The following GSDMC variants were observed in gnomAD, a reference collection of about 807,000 sequenced individuals.
The protein encoded by GSDMC is gasdermin C, also known as gasdermin-C.
GSDMC carries 59 observed loss-of-function variants against 58.0 expected under a neutral mutation model. The ratio of observed to expected loss-of-function variants is 1.02; its 90% CI spans 0.82 to 1.26. The LOEUF (loss-of-function observed/expected upper bound fraction) is 1.26, where lower values mean the gene tolerates loss of function less well. GSDMC is among the 50% of genes most tolerant of loss of function. The pLI is 0.00. For synonymous variants in GSDMC, 241 were observed against 220.2 expected, an observed-to-expected ratio of 1.09 and a Z score of -0.83; for missense variants, 659 against 598.5, an observed-to-expected ratio of 1.10 and a Z score of -1.06.
rs139824595 is a variant in GSDMC, at chr8:129,763,438, C to A, written c.571-707G>T. ...CATGCCTTCAGTGGACACTTTCATT[C>A]TGGAAACACATTCTTTGGGTCTCAG... On this transcript the variant is annotated intron_variant, in intron 4 of 13. Transcript: ENST00000276708. Among the ~76,000 whole-genome samples the A allele has an allele frequency of 3.6e-4, 55 of 152,338 alleles. No homozygotes were observed. The South Asian group carries it at 7.5e-3, about 21-fold the overall frequency.
At position 129,749,446 on chromosome 8, in the gene GSDMC, T is replaced by A. The variant is rs1167618375; in HGVS notation, c.1287+6A>T. ...CCTGAACTTCTGGCCCCTGGGAAGT[T>A]CTCACCAGCTCCTGTTGCTGAAGCA... On this transcript the variant is annotated splice_donor_region_variant and intron_variant, in intron 13 of 13. Coordinates refer to ENST00000276708, the MANE Select transcript of GSDMC (RefSeq NM_031415.3). 6.8e-6 allele frequency: 11 copies of A among 1,606,342 alleles called. No homozygotes were observed. The highest frequency in any genetic ancestry group is 7.7e-6 in the Non-Finnish European group (9 of 1,173,020).
chr8:129,723,525 A>G, the GSDMC span, among the ~76,000 whole-genome samples: 3 of 148,724 alleles, frequency 2.0e-5, no homozygotes, highest in East Asian at 6.0e-4. Flanking sequence ...CTCGGCCTCC[A>G]AAAGTGCTGG....
rs1468819804 is a variant in GSDMC, at chr8:129,786,473, G to T, written c.-467C>A. 1.3e-5 allele frequency: 2 copies of T among 152,184 alleles called. No homozygotes were observed. The highest frequency in any genetic ancestry group is 4.8e-5 in the African/African-American group (2 of 41,436). 9.4% of individuals were successfully genotyped at this position (152,184 alleles called of 1,614,324 possible). On this transcript the variant is annotated 5_prime_UTR_variant, in exon 1 of 14. The change creates a premature stop within an existing upstream ORF in the 5' untranslated region. Transcript: ENST00000276708. ...GTTCTCTTCTCACCAATGGGTCCCT[G>T]ACTCAATTTCCAATGCAGTATCCTG... is the stretch of plus-strand genomic sequence containing the variant.
downstream of GSDMC, among the ~76,000 whole-genome samples, chr8:129,744,052 C>G (rs1364162906): frequency 6.5e-5 from 5 of 76,724 alleles, no homozygotes; most frequent in Admixed American, 4.8e-4. Flanking sequence ...ATAATACTCC[C>G]TCTTTCCTAG....
chr8:129,707,032 C>G, the GSDMC span: 1 of 152,156 alleles, frequency 6.6e-6, no homozygotes, highest in Admixed American at 6.5e-5. Flanking sequence ...ATTCTGTGCT[C>G]CCCAGCCATC....
chr8:129,713,060 A>C, the GSDMC span, among the ~76,000 whole-genome samples: 1 of 152,214 alleles, frequency 6.6e-6, no homozygotes, highest in African/African-American at 2.4e-5. Flanking sequence ...AATCCCTCGA[A>C]TGCAACAGAC....
chr8:129,746,271 G>A (rs1035845536), downstream of GSDMC, among the ~76,000 whole-genome samples: 1 of 152,192 alleles, frequency 6.6e-6, no homozygotes, highest in Non-Finnish European at 1.5e-5. Flanking sequence ...AGAAATATGT[G>A]AAAAGAGAGA....
At chr8:129,739,866 T>G in the GSDMC span, among the ~76,000 whole-genome samples, 52 of 152,236 alleles carry the variant, frequency 3.4e-4, no homozygotes, top group Non-Finnish European at 6.5e-4. Flanking sequence ...TCCTTCAGGA[T>G]GCATTCCAGA....
At chr8:129,775,795 C>T (rs2034204700) in intron 3 of GSDMC, among the ~76,000 whole-genome samples, 1 of 152,252 alleles carries the variant, frequency 6.6e-6, no homozygotes, top group Middle Eastern at 3.4e-3. Context: ...CCCTGCCCAT[C>T]CCTTGTCTCC....
intron 3 of GSDMC, among the ~76,000 whole-genome samples, chr8:129,767,856 T>C (rs577980202): frequency 2.1e-4 from 32 of 152,204 alleles, no homozygotes; most frequent in African/African-American, 7.0e-4. Context: ...AGGGAAAATT[T>C]CAGAGCCCAG....
rs144730548 is a variant in GSDMC at position 129,772,554 on chromosome 8, A to C, written c.404+3548T>G. ...ATGGATAAATTCCCAGAAACATATG[A>C]TCTATTGAGATTGAGTCATGAAGAA... On this transcript the variant is annotated intron_variant, in intron 3 of 13. Transcript: ENST00000276708. Among the ~76,000 whole-genome samples the C allele has an allele frequency of 2.1e-3, 324 of 152,262 alleles. 2 individuals are homozygous for C. Among genetic ancestry groups the C allele is most frequent in the African/African-American group, 7.5e-3 (311 of 41,560 alleles).
chr8:129,727,918 C>G, the GSDMC span, among the ~76,000 whole-genome samples: 9 of 152,190 alleles, frequency 5.9e-5, no homozygotes, highest in Non-Finnish European at 8.8e-5. Flanking sequence ...CCAGGGCCAT[C>G]TTGGCAACCT....
chr8:129,717,154 CT>C, the GSDMC span, among the ~76,000 whole-genome samples: 1 of 151,880 alleles, frequency 6.6e-6, no homozygotes, highest in Non-Finnish European at 1.5e-5. Flanking sequence ...GGAGGAGCCC[CT>C]CTTTTTCTAT....
chr8:129,761,474 C>A (rs1393427393), intron 5 of GSDMC, among the ~76,000 whole-genome samples: 1 of 152,182 alleles, frequency 6.6e-6, no homozygotes, highest in Admixed American at 6.5e-5. Context: ...AAAGAATCCA[C>A]CTGGCTTCAG....
downstream of GSDMC, among the ~76,000 whole-genome samples, chr8:129,745,302 A>G (rs2032936881): frequency 6.6e-6 from 1 of 152,152 alleles, no homozygotes; most frequent in African/African-American, 2.4e-5. Context: ...TCCTTACTTT[A>G]CATTCAGTCT....
At chr8:129,738,082 G>T in the GSDMC span, among the ~76,000 whole-genome samples, 7 of 152,142 alleles carry the variant, frequency 4.6e-5, no homozygotes, top group African/African-American at 1.7e-4. Context: ...ATCATCACTG[G>T]CCATAAGAGA....
chr8:129,775,904 A>G (rs1478855857), intron 3 of GSDMC, among the ~76,000 whole-genome samples, 198 bp downstream of exon 3: 4 of 152,160 alleles, frequency 2.6e-5, no homozygotes, highest in Non-Finnish European at 4.4e-5. Flanking sequence ...TACTGCTCTA[A>G]TAAGTATTTG....
At position 129,752,614 on chromosome 8, in the gene GSDMC, C is replaced by T. The variant is rs954341922; in HGVS notation, c.844+84G>A. On this transcript the variant is annotated intron_variant, in intron 7 of 13. Transcript: ENST00000276708. ...AGAAGCCTACATGGTTCATACACCC[C>T]ACATAAACACCAAATTTTAACAACT... 9 of 1,549,362 alleles carry T rather than the reference C, an allele frequency of 5.8e-6. No homozygotes were observed. The African/African-American group carries it at 9.4e-5, about 16-fold the overall frequency.
rs1586577906 is a variant in GSDMC at position 129,752,494 on chromosome 8, G to C, written c.844+204C>G. Reference sequence around the variant, plus strand: ...TTTGTGTGGGCTGAGCCCAAGCAGGGCTCTTGTGGGAATCCAAAGGGGGTC... The same window carrying C: ...TTTGTGTGGGCTGAGCCCAAGCAGGCCTCTTGTGGGAATCCAAAGGGGGTC... On this transcript the variant is annotated intron_variant, in intron 7 of 13. Transcript: ENST00000276708. Among the ~76,000 whole-genome samples, 4 of 152,200 alleles carry C rather than the reference G, an allele frequency of 2.6e-5. No individual in the cohort carries two copies. The South Asian group carries it at 8.3e-4, about 31-fold the overall frequency.
Sources: gnomAD v4.1 joint callset for allele counts (sites outside exome capture counted in the v4.1 genomes callset) on GRCh38, gnomAD v4.1.1 for gene constraint, MANE v1.5 for transcripts, NCBI Gene and HGNC (gene_info 2026-07-23, HGNC 2026-07-21) for gene names.